The following SNTG1 variants were observed in gnomAD, a reference collection of about 807,000 sequenced individuals.
SNTG1 encodes the protein syntrophin gamma 1, also known as gamma-1-syntrophin.
In SNTG1, 39 loss-of-function variants were observed where a neutral mutation model predicts 74.7. The ratio of observed to expected loss-of-function variants is 0.52; its 90% CI spans 0.40 to 0.68. The LOEUF (loss-of-function observed/expected upper bound fraction) is 0.68, where lower values mean the gene tolerates loss of function less well. SNTG1 is among the 30% of genes least tolerant of loss of function. The probability of loss-of-function intolerance (pLI) is 0.00; values close to 1 mark genes in which losing one functional copy is unlikely to be tolerated. For synonymous variants in SNTG1, 254 were observed against 217.1 expected, an observed-to-expected ratio of 1.17 and a Z score of -1.49; for missense variants, 685 against 609.5, an observed-to-expected ratio of 1.12 and a Z score of -1.30.
intron 15 of SNTG1, among the ~76,000 whole-genome samples, chr8:50,687,135 C>G (rs1258064531): frequency 7.6e-6 from 1 of 130,830 alleles, no homozygotes; most frequent in African/African-American, 3.4e-5. Flanking sequence ...GAGCGAGACT[C>G]CGTCTCAAAA....
chr8:50,232,489 T>C (rs1316738665), intron 2 of SNTG1, among the ~76,000 whole-genome samples: 1 of 151,430 alleles, frequency 6.6e-6, no homozygotes, highest in Non-Finnish European at 1.5e-5. Context: ...ACTTCATACA[T>C]AATGGTGAAA....
chr8:50,037,326 G>A (rs776843809), intron 1 of SNTG1, among the ~76,000 whole-genome samples: 7 of 152,140 alleles, frequency 4.6e-5, no homozygotes, highest in Non-Finnish European at 7.4e-5. Context: ...TTCTTAAAAT[G>A]GTGATTCAGG....
intron 1 of SNTG1, among the ~76,000 whole-genome samples, chr8:49,971,049 T>G (rs1811619991): frequency 6.6e-6 from 1 of 152,182 alleles, no homozygotes; most frequent in Non-Finnish European, 1.5e-5. Flanking sequence ...TACCAAAGCC[T>G]GGCAGAGACA....
intron 15 of SNTG1, among the ~76,000 whole-genome samples, chr8:50,689,485 T>C (rs1299896534): frequency 6.6e-6 from 1 of 152,180 alleles, no homozygotes; most frequent in African/African-American, 2.4e-5. Flanking sequence ...CAAAGGCCTT[T>C]TCTGCATCTA....
chr8:50,505,604 A>G (rs1158504577), intron 9 of SNTG1, among the ~76,000 whole-genome samples: 1 of 152,150 alleles, frequency 6.6e-6, no homozygotes, highest in Non-Finnish European at 1.5e-5. Flanking sequence ...CCTGATAATC[A>G]GTAATCTTAA....
chr8:49,930,561 G>GTA (rs34139870), intron 1 of SNTG1, among the ~76,000 whole-genome samples: 125 of 149,800 alleles, frequency 8.3e-4, no homozygotes, highest in Middle Eastern at 3.4e-3. Context: ...ATATGTGTGT[G>GTA]TATATATATA....
At chr8:50,539,518 G>A (rs557139517) in intron 11 of SNTG1, among the ~76,000 whole-genome samples, 56 of 152,260 alleles carry the variant, frequency 3.7e-4, no homozygotes, top group African/African-American at 1.3e-3. Context: ...GGACGGATAG[G>A]TGAGGGCAAC....
chr8:49,933,860 TG>T (rs1253740756), intron 1 of SNTG1, among the ~76,000 whole-genome samples: 1 of 152,186 alleles, frequency 6.6e-6, no homozygotes, highest in Non-Finnish European at 1.5e-5. Flanking sequence ...CTCCTGGACT[TG>T]GTTGTGGAGG....
At chr8:50,680,065 T>C (rs1274055968) in intron 15 of SNTG1, among the ~76,000 whole-genome samples, 4 of 152,106 alleles carry the variant, frequency 2.6e-5, no homozygotes, top group African/African-American at 4.8e-5. Context: ...TTCTCCTCTT[T>C]CTCCACTGCC....
At chr8:50,700,858 T>G (rs919653945) in intron 15 of SNTG1, among the ~76,000 whole-genome samples, 2 of 152,186 alleles carry the variant, frequency 1.3e-5, no homozygotes, top group African/African-American at 4.8e-5. Context: ...AAGTATATTA[T>G]AAATAACAAC....
At chr8:49,928,043 C>T (rs532339082) in intron 1 of SNTG1, among the ~76,000 whole-genome samples, 5 of 150,874 alleles carry the variant, frequency 3.3e-5, no homozygotes, top group Admixed American at 6.6e-5. Flanking sequence ...GCAGGAGAAT[C>T]GCTTGAATCC....
chr8:50,734,630 G>T (rs28432973), intron 17 of SNTG1, among the ~76,000 whole-genome samples: 2 of 146,564 alleles, frequency 1.4e-5, no homozygotes, highest in African/African-American at 5.0e-5. Flanking sequence ...TCTCTCTTTC[G>T]CTCTCTCATC....
At chr8:50,770,881 A>T (rs1483463807) in intron 18 of SNTG1, among the ~76,000 whole-genome samples, 3 of 152,022 alleles carry the variant, frequency 2.0e-5, no homozygotes, top group Admixed American at 2.0e-4. Context: ...GCATATTCCC[A>T]CTTCACTTCC....
At chr8:50,338,767 G>A (rs373615099) in intron 2 of SNTG1, among the ~76,000 whole-genome samples, 21 of 152,066 alleles carry the variant, frequency 1.4e-4, no homozygotes, top group African/African-American at 2.6e-4. Flanking sequence ...AAACAGAACC[G>A]TATACCCAAG....
intron 5 of SNTG1, 76 bp from the exon 6 acceptor site, chr8:50,449,592 A>T: frequency 8.7e-7 from 1 of 1,147,614 alleles, no homozygotes; most frequent in Non-Finnish European, 1.2e-6. Flanking sequence ...TTCCCTTCAG[A>T]GCCTGTATGG....
At chr8:50,722,484 A>G (rs1035277312) in intron 17 of SNTG1, among the ~76,000 whole-genome samples, 3 of 152,146 alleles carry the variant, frequency 2.0e-5, no homozygotes, top group African/African-American at 7.2e-5. Flanking sequence ...CCCACATTGT[A>G]TAATTCAATG....
intron 2 of SNTG1, among the ~76,000 whole-genome samples, chr8:50,381,419 T>C (rs1258297188): frequency 6.6e-6 from 1 of 151,106 alleles, no homozygotes; most frequent in Non-Finnish European, 1.5e-5. Context: ...AAAAAAGTAA[T>C]ATGGGAAGAT....
chr8:50,361,070 C>A (rs750501150), intron 2 of SNTG1, among the ~76,000 whole-genome samples: 3 of 152,114 alleles, frequency 2.0e-5, no homozygotes, highest in Non-Finnish European at 4.4e-5. Flanking sequence ...TACAACTGTA[C>A]AAAAATATTT....
intron 17 of SNTG1, among the ~76,000 whole-genome samples, chr8:50,729,860 A>C (rs118142238): frequency 0.025 from 3,800 of 152,232 alleles, 62 homozygotes; most frequent in Middle Eastern, 0.041. Flanking sequence ...AGACATTTAT[A>C]TTTCTATATC....
Sources: allele counts gnomAD v4.1 joint callset (sites outside exome capture counted in the v4.1 genomes callset), GRCh38; gene constraint gnomAD v4.1.1; transcripts MANE v1.5; gene names NCBI Gene and HGNC (gene_info 2026-07-23, HGNC 2026-07-21).